The following BRD10 variants were observed in gnomAD, a reference collection of about 807,000 sequenced individuals.
BRD10 encodes bromodomain containing 10.
At chr9:6,000,765 C>A in the BRD10 span, among the ~76,000 whole-genome samples, 1 of 152,146 alleles carries the variant, frequency 6.6e-6, no homozygotes, top group Admixed American at 6.5e-5. Context: ...CTAAATTAAG[C>A]ATTTCAGCTT....
the BRD10 span, among the ~76,000 whole-genome samples, chr9:5,885,421 A>C: frequency 6.6e-6 from 1 of 151,094 alleles, no homozygotes; most frequent in Non-Finnish European, 1.5e-5. Flanking sequence ...CCCAGGCTGC[A>C]GTGCAATGGC....
the BRD10 span, among the ~76,000 whole-genome samples, chr9:5,950,520 G>C: frequency 1.3e-5 from 2 of 152,154 alleles, no homozygotes; most frequent in African/African-American, 4.8e-5. Flanking sequence ...CAGAACCCTT[G>C]TGTTTAACCA....
chr9:5,920,494 A>G, the BRD10 span: 4 of 1,614,014 alleles, frequency 2.5e-6, no homozygotes, highest in South Asian at 4.4e-5. Flanking sequence ...TTTTTACTAA[A>G]GCTTGCTGAT....
At chr9:5,939,652 C>T in the BRD10 span, among the ~76,000 whole-genome samples, 1 of 152,226 alleles carries the variant, frequency 6.6e-6, no homozygotes, top group Admixed American at 6.5e-5. Context: ...CTTGTTTTCT[C>T]TCCAAGTAAG....
At chr9:5,921,164 C>T in the BRD10 span, 2 of 1,613,854 alleles carry the variant, frequency 1.2e-6, no homozygotes, top group Non-Finnish European at 1.7e-6. Flanking sequence ...ATAGCCCTTG[C>T]TACTTTTGTC....
the BRD10 span, among the ~76,000 whole-genome samples, chr9:5,989,575 C>A: frequency 7.0e-6 from 1 of 142,782 alleles, no homozygotes; most frequent in African/African-American, 2.6e-5. Flanking sequence ...GAGACTCTGT[C>A]ACCCAGGCTG....
the BRD10 span, among the ~76,000 whole-genome samples, chr9:5,952,448 ATG>A: frequency 2.6e-5 from 4 of 152,212 alleles, no homozygotes; most frequent in African/African-American, 7.2e-5. Flanking sequence ...GAAACAATAT[ATG>A]TGAGTGTACA....
the BRD10 span, among the ~76,000 whole-genome samples, chr9:5,978,682 A>C: frequency 6.6e-6 from 1 of 152,176 alleles, no homozygotes; most frequent in Non-Finnish European, 1.5e-5. Flanking sequence ...TTAGATGACA[A>C]AAAGCCAGAA....
chr9:5,916,790 T>C, the BRD10 span, among the ~76,000 whole-genome samples: 1 of 152,098 alleles, frequency 6.6e-6, no homozygotes, highest in African/African-American at 2.4e-5. Context: ...CTCTCCAGTA[T>C]CATGAATCTT....
the BRD10 span, among the ~76,000 whole-genome samples, chr9:5,915,020 A>C: frequency 6.6e-6 from 1 of 152,070 alleles, no homozygotes. Context: ...ATAACCCCCA[A>C]CTAAATTTAT....
the BRD10 span, chr9:5,906,747 T>A: frequency 1.9e-6 from 1 of 535,296 alleles, no homozygotes. Context: ...GGTAAAGTGA[T>A]GAGACTGAAG....
the BRD10 span, among the ~76,000 whole-genome samples, chr9:6,000,179 C>A: frequency 6.6e-6 from 1 of 151,966 alleles, no homozygotes; most frequent in Admixed American, 6.6e-5. Flanking sequence ...TCAAAGTGTA[C>A]ATACTTAATA....
the BRD10 span, among the ~76,000 whole-genome samples, chr9:5,998,283 G>A: frequency 0.015 from 594 of 39,010 alleles, 4 homozygotes; most frequent in African/African-American, 0.027. Flanking sequence ...GCCCCAGGAT[G>A]TACACATTTT....
the BRD10 span, among the ~76,000 whole-genome samples, chr9:5,929,559 G>C: frequency 2.0e-5 from 3 of 152,020 alleles, no homozygotes; most frequent in South Asian, 4.1e-4. Context: ...AGGGAGAAAA[G>C]GTAGGTTTGT....
At chr9:6,002,719 C>G in the BRD10 span, among the ~76,000 whole-genome samples, 1 of 150,324 alleles carries the variant, frequency 6.7e-6, no homozygotes, top group African/African-American at 2.5e-5. Context: ...TCTTATCACC[C>G]AGGCTGGAGT....
chr9:5,995,523 A>T, the BRD10 span, among the ~76,000 whole-genome samples: 171 of 152,334 alleles, frequency 1.1e-3, 1 homozygote, highest in African/African-American at 4.0e-3. Context: ...CCTGAGGAAC[A>T]TCTAAACTGC....
At chr9:5,949,830 T>A in the BRD10 span, among the ~76,000 whole-genome samples, 5 of 152,216 alleles carry the variant, frequency 3.3e-5, no homozygotes, top group African/African-American at 1.2e-4. Flanking sequence ...AAATGTTAAA[T>A]GAAAAGACTT....
At chr9:5,969,526 C>T in the BRD10 span, 1 of 824,566 alleles carries the variant, frequency 1.2e-6, no homozygotes, top group Non-Finnish European at 1.8e-6. Context: ...GCCAAAAAGG[C>T]AATCAACTGT....
the BRD10 span, among the ~76,000 whole-genome samples, chr9:5,924,300 T>C: frequency 1.3e-5 from 2 of 152,076 alleles, no homozygotes; most frequent in African/African-American, 4.8e-5. Context: ...TTTTTTTTTT[T>C]TTGAGACAGC....
Sources: allele counts gnomAD v4.1 joint callset (sites outside exome capture counted in the v4.1 genomes callset), GRCh38; gene constraint gnomAD v4.1.1; transcripts MANE v1.5; gene names NCBI Gene and HGNC (gene_info 2026-07-23, HGNC 2026-07-21).